GGA1: variants seen among roughly 807,000 people sequenced by gnomAD.
GGA1 encodes the protein ADP-ribosylation factor-binding protein GGA1.
Under a neutral mutation model 76.9 loss-of-function variants are expected in GGA1, and 18 were observed. The ratio of observed to expected loss-of-function variants is 0.23; its 90% CI spans 0.16 to 0.35. The LOEUF (loss-of-function observed/expected upper bound fraction) is 0.35. GGA1 is among the 10% of genes least tolerant of loss of function. The pLI is 1.00. For synonymous variants in GGA1, 342 were observed against 354.7 expected (o/e 0.96, Z 0.40); for missense variants, 755 against 859.0 (o/e 0.88, Z 1.51).
In GGA1 at chr22:37,632,315, C is replaced by A; in HGVS notation, c.1699-90C>A. ...ACCAGAAGGACTGAGCCCCAGGATC[C>A]CCGGAGGGGAGCTGGCAGGCTGGGC... On this transcript the variant is annotated intron_variant, in intron 15 of 16. Coordinates refer to ENST00000343632, the MANE Select transcript of GGA1 (RefSeq NM_013365.5). The surrounding 1 kb of genome is among the most constrained non-coding windows in gnomAD (Gnocchi z 5.1). The A allele has an allele frequency of 7.6e-7, 1 of 1,315,992 alleles. No individual in the cohort carries two copies. The highest frequency in any genetic ancestry group is 1.1e-6 in the Non-Finnish European group (1 of 918,960). 81.5% of individuals were successfully genotyped at this position (1,315,992 alleles called of 1,614,324 possible).
Position 37,624,999 on chromosome 22 carries a change from C to A in GGA1, c.863C>A (p.Thr288Asn). The A allele has an allele frequency of 6.3e-7, 1 of 1,597,760 alleles. No individual in the cohort carries two copies. The highest frequency in any genetic ancestry group is 2.3e-5 in the East Asian group (1 of 44,398). The change falls in exon 10 of 17, where the codon ACC becomes AAC. Residue 288 changes from threonine to asparagine, a missense_variant. By Grantham distance (65) the Thr-to-Asn change is moderately conservative. Transcript: ENST00000343632. The surrounding 1 kb of genome is among the most constrained non-coding windows in gnomAD (Gnocchi z 4.3). ...AEILQANDNLTQVINLYKQLV... is the reference protein window; with the variant it reads ...AEILQANDNLNQVINLYKQLV... Reference sequence around the variant, plus strand: ...ATCCTGCAGGCCAATGACAACCTCACCCAGGTGATCAACCTGTATAAGCAG... The same window carrying A: ...ATCCTGCAGGCCAATGACAACCTCAACCAGGTGATCAACCTGTATAAGCAG...
intron 4 of GGA1, among the ~76,000 whole-genome samples, chr22:37,619,303 G>C (rs955171920): frequency 4.6e-5 from 7 of 151,712 alleles, no homozygotes; most frequent in Non-Finnish European, 1.0e-4. Flanking sequence ...CTGACCTCAT[G>C]ATCTGCCTGT....
At chr22:37,609,192 G>A (rs532716357) in intron 1 of GGA1, 2 of 1,376,732 alleles carry the variant, frequency 1.5e-6, no homozygotes, top group East Asian at 3.9e-5. Flanking sequence ...GGAGAGAGCA[G>A]CCTCCAACCC....
chr22:37,617,040 G>A (rs753982665), intron 3 of GGA1, 43 bp downstream of exon 3: 9 of 1,567,052 alleles, frequency 5.7e-6, no homozygotes, highest in Admixed American at 5.7e-5. Flanking sequence ...GCCATGTGAC[G>A]ACACCAAGGG....
chr22:37,632,020 A>C lies in GGA1; in HGVS notation c.1553A>C (p.Tyr518Ser), dbSNP rs777889440. 1.2e-6 allele frequency: 2 copies of C among 1,612,684 alleles called. No homozygotes were observed. The highest frequency in any genetic ancestry group is 3.3e-5 in the Admixed American group (2 of 59,984). Residue 518 changes from tyrosine to serine, a missense_variant, in exon 15 of 17, where the codon TAT becomes TCT. Tyr to Ser is a moderately radical substitution (Grantham distance 144). Coordinates refer to ENST00000343632, the MANE Select transcript of GGA1 (RefSeq NM_013365.5). This position sits in a 1 kb window ranked among gnomAD's most constrained non-coding sequence, Gnocchi z 5.1. ...KPSNILPVTV[Y>S]DQHGFRILFH... Reference sequence around the variant, plus strand: ...GGCAACATCCTGCCCGTGACTGTGTATGACCAGCACGGCTTCCGCATCCTC... The same window carrying C: ...GGCAACATCCTGCCCGTGACTGTGTCTGACCAGCACGGCTTCCGCATCCTC...
rs574365903 is a variant in GGA1, at chr22:37,625,250, G to GT, written c.940+174_940+175insT. 1.8e-3 allele frequency among the ~76,000 whole-genome samples: 277 copies of GT among 152,278 alleles called. No individual in the cohort carries two copies. Among genetic ancestry groups the GT allele is most frequent in the African/African-American group, 6.5e-3 (270 of 41,558 alleles). ...TGGGGGTGAAGTCTGTGCCAAGCCT[G>GT]CAGCTGTGGGGGAAGAAGTCTGGTG... On this transcript the variant is annotated intron_variant, in intron 10 of 16. Transcript: ENST00000343632. The surrounding 1 kb of genome is among the most constrained non-coding windows in gnomAD (Gnocchi z 4.1).
Position 37,633,035 on chromosome 22 carries a change from G to C in GGA1, c.*324G>C, listed in dbSNP as rs1932087434. 2 of 322,694 alleles carry C rather than the reference G, an allele frequency of 6.2e-6. No individual in the cohort carries two copies. The highest frequency in any genetic ancestry group is 5.9e-6 in the Non-Finnish European group (1 of 168,420). 20.0% of individuals were successfully genotyped at this position (322,694 alleles called of 1,614,324 possible). A position where few individuals can be genotyped will look rare whatever the true frequency, so the allele number is the denominator to read the frequency against. ...AAGCACAGCTGTTGGGGAAGGGCCA[G>C]GACCTCAGGCCCAGCCCCAACCCCA... is the stretch of plus-strand genomic sequence containing the variant. On this transcript the variant is annotated 3_prime_UTR_variant, in exon 17 of 17. Coordinates refer to ENST00000343632, the MANE Select transcript of GGA1 (RefSeq NM_013365.5).
Position 37,625,097 on chromosome 22 carries a change from C to T in GGA1, c.940+21C>T. 6.4e-7 allele frequency: 1 copy of T among 1,563,716 alleles called. No homozygotes were observed. The highest frequency in any genetic ancestry group is 8.7e-7 in the Non-Finnish European group (1 of 1,152,778). ...CCCTGGTGAGGAGGTGGCAGGAGAG[C>T]TGGGAGGGCACCCATCAGGCTGGAG... On this transcript the variant is annotated intron_variant, in intron 10 of 16. Transcript: ENST00000343632. This position sits in a 1 kb window ranked among gnomAD's most constrained non-coding sequence, Gnocchi z 4.1.
intron 12 of GGA1, 43 bp downstream of exon 12, chr22:37,629,569 G>A: frequency 7.9e-7 from 1 of 1,266,398 alleles, no homozygotes. Context: ...CCCAGTCCCA[G>A]GGTCAGGGCA....
At chr22:37,613,420 C>T (rs1601502705) in intron 1 of GGA1, among the ~76,000 whole-genome samples, 1 of 151,838 alleles carries the variant, frequency 6.6e-6, no homozygotes, top group East Asian at 1.9e-4. Context: ...GACGGAGTCA[C>T]CCAGAGTCCC....
At chr22:37,617,245 G>C in intron 3 of GGA1, 1 of 1,368,228 alleles carries the variant, frequency 7.3e-7, no homozygotes. Flanking sequence ...TGGTCCAGGG[G>C]TTCTTTGCTT....
intron 1 of GGA1, 40 bp downstream of exon 1, chr22:37,608,943 A>C: frequency 7.6e-7 from 1 of 1,322,672 alleles, no homozygotes; most frequent in South Asian, 2.0e-5. Flanking sequence ...CCGGAACCGG[A>C]ACCGGGGGCA....
chr22:37,630,327 CACA>C (rs1931579337), intron 13 of GGA1, 157 bp downstream of exon 13: 7 of 598,254 alleles, frequency 1.2e-5, no homozygotes, highest in Middle Eastern at 4.4e-4. Flanking sequence ...CCTCTGGAAA[CACA>C]ACAGTGCCCA....
At chr22:37,620,122 G>A (rs1929606739) in intron 4 of GGA1, 116 bp from the exon 5 acceptor site, 1 of 1,174,660 alleles carries the variant, frequency 8.5e-7, no homozygotes, top group Non-Finnish European at 1.3e-6. Flanking sequence ...TGAGGACCCT[G>A]TAGGCTAGAG....
chr22:37,619,680 G>A, intron 4 of GGA1: 1 of 650,158 alleles, frequency 1.5e-6, no homozygotes, highest in Non-Finnish European at 2.8e-6. Flanking sequence ...CCGGCCTACT[G>A]TGAACATTTC....
At position 37,632,118 on chromosome 22, in the gene GGA1, G is replaced by A. The variant is rs1301619360; in HGVS notation, c.1651G>A (p.Ala551Thr). The A allele has an allele frequency of 1.2e-6, 2 of 1,613,514 alleles. No homozygotes were observed. Among genetic ancestry groups the A allele is most frequent in the Admixed American group, 1.7e-5 (1 of 59,992 alleles). The change falls in exon 15 of 17, where the codon GCC becomes ACC. Residue 551 changes from alanine (A) to threonine (T), a missense_variant. Coordinates refer to ENST00000343632, the MANE Select transcript of GGA1 (RefSeq NM_013365.5). This position sits in a 1 kb window ranked among gnomAD's most constrained non-coding sequence, Gnocchi z 5.1. The stretch of plus-strand genomic sequence containing the variant: ...GGTGGTGGTTTCCATGCTGAGCACC[G>A]CCCCCCAGCCCATCCGCAACATCGT... ...LVVVVSMLST[A>T]PQPIRNIVFQ...
In GGA1 at chr22:37,632,579, G is replaced by C; in HGVS notation, c.1810-22G>C. On this transcript the variant is annotated intron_variant, in intron 16 of 16. Transcript: ENST00000343632. This position sits in a 1 kb window ranked among gnomAD's most constrained non-coding sequence, Gnocchi z 5.1. ...CCACTTCTCCTCCTCTGACCCCTCTGCCTTTGCCATCTCTTCCCCAGGAGA... is the reference window on the plus strand; with the variant it reads ...CCACTTCTCCTCCTCTGACCCCTCTCCCTTTGCCATCTCTTCCCCAGGAGA... The C allele has an allele frequency of 6.3e-7, 1 of 1,596,698 alleles. No homozygotes were observed. The highest frequency in any genetic ancestry group is 8.6e-7 in the Non-Finnish European group (1 of 1,164,320).
chr22:37,630,807 A>T, intron 13 of GGA1, 96 bp from the exon 14 acceptor site: 1 of 830,552 alleles, frequency 1.2e-6, no homozygotes, highest in Non-Finnish European at 2.0e-6. Context: ...AGCTCAAGCG[A>T]TCTGCCCGCC....
rs897860966 is a variant in GGA1, at chr22:37,625,258, G to C, written c.940+182G>C. On this transcript the variant is annotated intron_variant, in intron 10 of 16. Coordinates refer to ENST00000343632, the MANE Select transcript of GGA1 (RefSeq NM_013365.5). The surrounding 1 kb of genome is among the most constrained non-coding windows in gnomAD (Gnocchi z 4.1). ...AAGTCTGTGCCAAGCCTGCAGCTGT[G>C]GGGGAAGAAGTCTGGTGGGGGAGCT... Among the ~76,000 whole-genome samples, 1 of 152,148 alleles carries C rather than the reference G, an allele frequency of 6.6e-6. No individual in the cohort carries two copies. Among genetic ancestry groups the C allele is most frequent in the Non-Finnish European group, 1.5e-5 (1 of 68,014 alleles).
Sources: allele counts gnomAD v4.1 joint callset (sites outside exome capture counted in the v4.1 genomes callset), GRCh38; gene constraint gnomAD v4.1.1; non-coding constraint Gnocchi (gnomAD v3.1); transcripts MANE v1.5; gene names NCBI Gene and HGNC (gene_info 2026-07-23, HGNC 2026-07-21).